The following CRIM1 variants were observed in gnomAD, a reference collection of about 807,000 sequenced individuals.
The protein encoded by CRIM1 is cysteine-rich motor neuron 1 protein.
Under a neutral mutation model 116.4 loss-of-function variants are expected in CRIM1, and 32 were observed. The observed-to-expected ratio is 0.27, with a 90% confidence interval of 0.21 to 0.37. The LOEUF is 0.37. CRIM1 is among the 10% of genes least tolerant of loss of function. CRIM1 has a pLI of 1.00. For synonymous variants in CRIM1, 590 were observed against 509.2 expected, an observed-to-expected ratio of 1.16 and a Z score of -2.13; for missense variants, 1,331 against 1,354.8, an observed-to-expected ratio of 0.98 and a Z score of 0.28.
chr2:36,454,944 G>A (rs116134992), intron 4 of CRIM1, among the ~76,000 whole-genome samples: 2,369 of 152,294 alleles, frequency 0.016, 64 homozygotes, highest in African/African-American at 0.054. Context: ...AGGTAAAGGC[G>A]TTAGGAAGAT....
intron 1 of CRIM1, among the ~76,000 whole-genome samples, chr2:36,365,757 C>T (rs1669550863): frequency 7.8e-6 from 1 of 128,302 alleles, no homozygotes; most frequent in African/African-American, 3.0e-5. Context: ...TTTTTTGAGA[C>T]AGAGTCTCAC....
intron 8 of CRIM1, among the ~76,000 whole-genome samples, chr2:36,503,980 C>T: frequency 6.6e-6 from 1 of 152,098 alleles, no homozygotes. Flanking sequence ...AAGCGATCCT[C>T]CCACCTGAGC....
intron 14 of CRIM1, among the ~76,000 whole-genome samples, chr2:36,540,457 G>C (rs1218177264): frequency 6.6e-6 from 1 of 152,298 alleles, no homozygotes; most frequent in African/African-American, 2.4e-5. Flanking sequence ...CAGATGTGCT[G>C]TCTTCATTGG....
chr2:36,512,522 G>C (rs1664758436), intron 10 of CRIM1, 128 bp downstream of exon 10: 2 of 1,003,248 alleles, frequency 2.0e-6, no homozygotes, highest in Non-Finnish European at 2.9e-6. Flanking sequence ...GTCAGTCTCT[G>C]TGGGACCGTC....
chr2:36,513,843 C>G (rs1664860061), intron 11 of CRIM1, 78 bp downstream of exon 11: 3 of 1,358,060 alleles, frequency 2.2e-6, no homozygotes, highest in Non-Finnish European at 3.1e-6. Context: ...ATTTGTAACT[C>G]TGGGGAGGTT....
Position 36,356,593 on chromosome 2 carries a change from C to G in CRIM1, c.301C>G (p.Leu101Val). Residue 101 changes from leucine (L) to valine (V), a missense_variant, in exon 1 of 17, where the codon CTC becomes GTC. By Grantham distance (32) the Leu-to-Val change is conservative. Coordinates refer to ENST00000280527, the MANE Select transcript of CRIM1 (RefSeq NM_016441.3). The surrounding 1 kb of genome is among the most constrained non-coding windows in gnomAD (Gnocchi z 4.3). ...CCGCCCCCCGCTCAATGGCGACTCC[C>G]TCACCGAGTACGAAGCGGGCGTTTG... The part of the protein sequence containing the change: ...VIRPPLNGDS[L>V]TEYEAGVCED... 1 of 1,611,310 alleles carries G rather than the reference C, an allele frequency of 6.2e-7. No homozygotes were observed. The highest frequency in any genetic ancestry group is 2.2e-5 in the East Asian group (1 of 44,818).
intron 7 of CRIM1, among the ~76,000 whole-genome samples, chr2:36,485,994 A>T (rs1236916675): frequency 6.6e-6 from 1 of 152,232 alleles, no homozygotes; most frequent in Non-Finnish European, 1.5e-5. Context: ...GTAGCAAATG[A>T]CTGTTTCTTA....
chr2:36,436,953 A>T (rs997737752), intron 2 of CRIM1, among the ~76,000 whole-genome samples: 4 of 152,268 alleles, frequency 2.6e-5, no homozygotes, highest in Non-Finnish European at 5.9e-5. Context: ...ATCAAAAATC[A>T]GAATATAACC....
intron 2 of CRIM1, among the ~76,000 whole-genome samples, chr2:36,431,374 C>T (rs1356393681): frequency 6.6e-6 from 1 of 152,238 alleles, no homozygotes; most frequent in Middle Eastern, 3.4e-3. Flanking sequence ...ATGCCCTGTA[C>T]ACTCTATTCA....
At chr2:36,364,113 C>G (rs1572559298) in intron 1 of CRIM1, among the ~76,000 whole-genome samples, 1 of 152,152 alleles carries the variant, frequency 6.6e-6, no homozygotes. Flanking sequence ...TAAAACTGTG[C>G]TTCTGAAATT....
rs1054692842 is a variant in CRIM1, at chr2:36,512,380, T to C, written c.1766T>C (p.Ile589Thr). ...CAGCAGGACAGTCACGGCTGTCTTA[T>C]CTGCAAGTGCAGAGGTAAGTGTGTA... is the stretch of plus-strand genomic sequence containing the variant. ...GFQQDSHGCL[I>T]CKCREASASA... The change falls in exon 10 of 17, where the codon ATC (isoleucine) becomes ACC (threonine). Residue 589 changes from isoleucine to threonine, a missense_variant. By Grantham distance (89) the Ile-to-Thr change is moderately conservative. Coordinates refer to ENST00000280527, the MANE Select transcript of CRIM1 (RefSeq NM_016441.3). The C allele has an allele frequency of 5.6e-6, 9 of 1,613,226 alleles. No individual in the cohort carries two copies. The highest frequency in any genetic ancestry group is 1.3e-5 in the African/African-American group (1 of 74,930).
intron 1 of CRIM1, among the ~76,000 whole-genome samples, chr2:36,360,623 T>G (rs1669159656): frequency 6.6e-6 from 1 of 152,178 alleles, no homozygotes; most frequent in Non-Finnish European, 1.5e-5. Context: ...TGCTTATCCC[T>G]GGAAGACAGT....
At chr2:36,373,226 C>G (rs1012889295) in intron 1 of CRIM1, among the ~76,000 whole-genome samples, 3 of 152,206 alleles carry the variant, frequency 2.0e-5, no homozygotes, top group Admixed American at 1.3e-4. Flanking sequence ...GAATAGCACA[C>G]TTTTCCTCAG....
At position 36,550,034 on chromosome 2, in the gene CRIM1, A is replaced by T. The variant is rs936738608; in HGVS notation, c.*1333A>T. On this transcript the variant is annotated 3_prime_UTR_variant, in exon 17 of 17. Transcript: ENST00000280527. Reference sequence around the variant, plus strand: ...TTAATTGGAAAGATGTGTGTGTGAGAGTATGTATGTGTGTGTGTGTGTGTG... The same window carrying T: ...TTAATTGGAAAGATGTGTGTGTGAGTGTATGTATGTGTGTGTGTGTGTGTG... 6.8e-6 allele frequency: 1 copy of T among 147,824 alleles called. No homozygotes were observed. Among genetic ancestry groups the T allele is most frequent in the Non-Finnish European group, 1.5e-5 (1 of 67,378 alleles). The allele number at this position is 147,824 out of a possible 1,614,324, so 9.2% of individuals were successfully genotyped here.
chr2:36,416,294 A>T lies in CRIM1; in HGVS notation c.505+19507A>T, dbSNP rs146364562. ...CTTTCATGATATGCTAAAAAATGGG[A>T]CTTTATTGCCATTGAGGAACCTAAA... On this transcript the variant is annotated intron_variant, in intron 2 of 16. Transcript: ENST00000280527. Among the ~76,000 whole-genome samples the T allele has an allele frequency of 1.8e-3, 277 of 152,226 alleles. 1 individual carries two copies. Among genetic ancestry groups the T allele is most frequent in the African/African-American group, 5.9e-3 (243 of 41,536 alleles).
chr2:36,456,326 C>A (rs1165707449), intron 4 of CRIM1, among the ~76,000 whole-genome samples: 22 of 152,188 alleles, frequency 1.4e-4, no homozygotes. Flanking sequence ...AAAATCATTA[C>A]GTGTTCATAA....
chr2:36,376,922 C>A (rs781672910), intron 1 of CRIM1, among the ~76,000 whole-genome samples: 26 of 152,154 alleles, frequency 1.7e-4, no homozygotes, highest in Non-Finnish European at 3.4e-4. Context: ...TTTGTGACCC[C>A]CATGTGTCTG....
At chr2:36,431,967 G>A (rs1674928659) in intron 2 of CRIM1, among the ~76,000 whole-genome samples, 1 of 152,234 alleles carries the variant, frequency 6.6e-6, no homozygotes, top group Admixed American at 6.5e-5. Context: ...GGTTTTATTT[G>A]TTGTTCTAAA....
chr2:36,455,501 C>G (rs754238157), intron 4 of CRIM1, among the ~76,000 whole-genome samples: 2 of 152,208 alleles, frequency 1.3e-5, no homozygotes, highest in African/African-American at 2.4e-5. Context: ...GCGGCCAGAA[C>G]TTGAACCTAA....
Sources: allele counts gnomAD v4.1 joint callset (sites outside exome capture counted in the v4.1 genomes callset), GRCh38; gene constraint gnomAD v4.1.1; non-coding constraint Gnocchi (gnomAD v3.1); transcripts MANE v1.5; gene names NCBI Gene and HGNC (gene_info 2026-07-23, HGNC 2026-07-21).